Variants in RBFOX1 observed in about 807,000 individuals in gnomAD.
The protein encoded by RBFOX1 is RNA binding fox-1 homolog 1, also known as RNA binding protein fox-1 homolog 1.
A neutral mutation model predicts 57.7 loss-of-function variants in RBFOX1; 8 were observed. The ratio of observed to expected loss-of-function variants is 0.14; its 90% CI spans 0.08 to 0.25. The LOEUF (loss-of-function observed/expected upper bound fraction) is 0.25. RBFOX1 is among the 10% of genes least tolerant of loss of function. RBFOX1 has a pLI of 1.00. For missense variants in RBFOX1, 611 were observed against 548.5 expected, an observed-to-expected ratio of 1.11 and a Z score of -1.14; for synonymous variants, 326 against 222.4, an observed-to-expected ratio of 1.47 and a Z score of -4.15.
chr16:6,482,165 A>C (rs773926692), intron 2 of RBFOX1, among the ~76,000 whole-genome samples: 31 of 152,362 alleles, frequency 2.0e-4, no homozygotes, highest in South Asian at 4.1e-4. Flanking sequence ...AGAAGGACAC[A>C]GGCAGGAAGC....
chr16:6,782,342 C>T (rs1008029837), intron 3 of RBFOX1, among the ~76,000 whole-genome samples: 1 of 151,960 alleles, frequency 6.6e-6, no homozygotes, highest in Non-Finnish European at 1.5e-5. Context: ...TTGCTGTATC[C>T]CATAGGTTTC....
intron 4 of RBFOX1, among the ~76,000 whole-genome samples, chr16:5,895,539 G>C (rs1436076281): frequency 6.6e-6 from 1 of 152,212 alleles, no homozygotes; most frequent in Non-Finnish European, 1.5e-5. Context: ...TTGGCAGCCT[G>C]ATCTTTATTC....
At position 6,434,395 on chromosome 16, in the gene RBFOX1, T is replaced by A. The variant is rs998832420; in HGVS notation, c.-64+117338T>A. ...CCCAGCTTCCTCTTCTCGATGGCCA[T>A]GAAGGCTCCTCAGCCTTCCTGCAAA... On this transcript the variant is annotated intron_variant, in intron 2 of 15. Coordinates refer to ENST00000550418, the MANE Select transcript of RBFOX1 (RefSeq NM_018723.4). Among the ~76,000 whole-genome samples, 9 of 152,160 alleles carry A rather than the reference T, an allele frequency of 5.9e-5. No homozygotes were observed. In the South Asian group the frequency reaches 1.9e-3, roughly 32 times the overall value.
At chr16:7,538,373 G>T (rs1567724542) in intron 5 of RBFOX1, among the ~76,000 whole-genome samples, 1 of 152,106 alleles carries the variant, frequency 6.6e-6, no homozygotes, top group Non-Finnish European at 1.5e-5. Flanking sequence ...GGTGTCCACT[G>T]TTATTACTGC....
intron 1 of RBFOX1, among the ~76,000 whole-genome samples, chr16:6,065,324 C>T (rs115126292): frequency 2.3e-3 from 357 of 152,024 alleles, no homozygotes; most frequent in African/African-American, 8.1e-3. Flanking sequence ...TGTGAACCAC[C>T]GCACGCGGCC....
chr16:5,780,072 C>T (rs190182270), intron 3 of RBFOX1, among the ~76,000 whole-genome samples: 2 of 152,344 alleles, frequency 1.3e-5, no homozygotes, highest in East Asian at 1.9e-4. Context: ...GGCACAATCT[C>T]GGCTCACTGA....
chr16:5,804,576 A>T (rs1387675451), intron 3 of RBFOX1, among the ~76,000 whole-genome samples: 1 of 152,126 alleles, frequency 6.6e-6, no homozygotes, highest in Non-Finnish European at 1.5e-5. Context: ...TTCCACCCAG[A>T]TGGTGGGAGG....
At chr16:6,895,432 GTGTGTGTGTGTGTGTGTATATATATA>G (rs1292558428) in intron 3 of RBFOX1, among the ~76,000 whole-genome samples, 2 of 68,268 alleles carry the variant, frequency 2.9e-5, no homozygotes, top group South Asian at 5.6e-4. Context: ...GTGTGTGTGT[GTGTGTGTGTGTGTGTGTATATATATA>G]TATATATATA....
chr16:5,631,204 T>G (rs980688470), intron 3 of RBFOX1, among the ~76,000 whole-genome samples: 4 of 152,186 alleles, frequency 2.6e-5, no homozygotes, highest in African/African-American at 9.7e-5. Context: ...ATGATGATGT[T>G]GGTGGCTGAT....
intron 3 of RBFOX1, among the ~76,000 whole-genome samples, chr16:5,668,805 G>A (rs2049929978): frequency 6.6e-6 from 1 of 152,084 alleles, no homozygotes; most frequent in Non-Finnish European, 1.5e-5. Flanking sequence ...GGAAATGCTC[G>A]TAGCTGGTCT....
chr16:7,436,193 T>G (rs1037017422), intron 4 of RBFOX1, among the ~76,000 whole-genome samples: 1 of 152,224 alleles, frequency 6.6e-6, no homozygotes, highest in African/African-American at 2.4e-5. Flanking sequence ...ATTTTTTCAG[T>G]AGAAGTCATT....
At chr16:7,139,202 G>GTGTA (rs1288040226) in intron 4 of RBFOX1, among the ~76,000 whole-genome samples, 65 of 151,910 alleles carry the variant, frequency 4.3e-4, no homozygotes, top group African/African-American at 1.5e-3. Flanking sequence ...GTGTGTATGT[G>GTGTA]TGTGTGTTTG....
chr16:6,630,583 C>A (rs1367204023), intron 2 of RBFOX1, among the ~76,000 whole-genome samples: 1 of 152,136 alleles, frequency 6.6e-6, no homozygotes, highest in African/African-American at 2.4e-5. Flanking sequence ...AAGATCTAGT[C>A]AACTAATTTG....
intron 2 of RBFOX1, among the ~76,000 whole-genome samples, chr16:6,615,739 C>G (rs2098132415): frequency 6.6e-6 from 1 of 152,154 alleles, no homozygotes; most frequent in African/African-American, 2.4e-5. Flanking sequence ...TTGAAAGTCT[C>G]TCTATATAGC....
At chr16:7,032,888 C>T (rs928063675) in intron 3 of RBFOX1, among the ~76,000 whole-genome samples, 4 of 152,144 alleles carry the variant, frequency 2.6e-5, no homozygotes, top group Non-Finnish European at 5.9e-5. Flanking sequence ...ATTTCTGCAG[C>T]TGAGAGCATG....
intron 3 of RBFOX1, 76 bp from the exon 4 acceptor site, chr16:7,051,981 T>C: frequency 6.4e-7 from 1 of 1,560,754 alleles, no homozygotes; most frequent in Non-Finnish European, 8.7e-7. Context: ...TAATTAAAAG[T>C]AACTTTCTGT....
chr16:7,606,239 G>T (rs540090954), intron 9 of RBFOX1, among the ~76,000 whole-genome samples: 1 of 150,630 alleles, frequency 6.6e-6, no homozygotes, highest in Non-Finnish European at 1.5e-5. Context: ...CTCCTGCCTC[G>T]GACTCCCAAG....
At chr16:7,331,135 T>G (rs1375562805) in intron 4 of RBFOX1, among the ~76,000 whole-genome samples, 1 of 152,192 alleles carries the variant, frequency 6.6e-6, no homozygotes, top group Non-Finnish European at 1.5e-5. Flanking sequence ...TATCTAGAAA[T>G]GCAATTATGC....
intron 1 of RBFOX1, among the ~76,000 whole-genome samples, chr16:6,284,402 G>A (rs1180636573): frequency 6.6e-6 from 1 of 152,130 alleles, no homozygotes; most frequent in Admixed American, 6.6e-5. Flanking sequence ...CTGTGCTAAT[G>A]AGGCCCTCAC....
Sources: allele counts gnomAD v4.1 joint callset (sites outside exome capture counted in the v4.1 genomes callset), GRCh38; gene constraint gnomAD v4.1.1; transcripts MANE v1.5; gene names NCBI Gene and HGNC (gene_info 2026-07-23, HGNC 2026-07-21).